The following SDF4 variants were observed in gnomAD, a reference collection of about 807,000 sequenced individuals.
SDF4 encodes stromal cell derived factor 4.
In SDF4, 22 loss-of-function variants were observed where a neutral mutation model predicts 34.2. That is an observed-to-expected ratio of 0.64 (90% confidence interval 0.46 to 0.92). SDF4 has a LOEUF of 0.92. SDF4 is among the 40% of genes least tolerant of loss of function. The probability of loss-of-function intolerance (pLI) is 0.00; values close to 1 mark genes in which losing one functional copy is unlikely to be tolerated. For missense variants in SDF4, 447 were observed against 499.9 expected (o/e 0.89, Z 1.01); for synonymous variants, 236 against 203.1 (o/e 1.16, Z -1.38).
At chr1:1,222,161 C>T (rs1325452128) in intron 4 of SDF4, among the ~76,000 whole-genome samples, 3 of 152,220 alleles carry the variant, frequency 2.0e-5, no homozygotes, top group Non-Finnish European at 2.9e-5. Context: ...ACGGAGCAGG[C>T]GACTCTGCAC....
intron 4 of SDF4, chr1:1,220,204 C>T (rs1570477223): frequency 2.0e-6 from 2 of 992,734 alleles, no homozygotes; most frequent in African/African-American, 1.7e-5. Flanking sequence ...AGCCGGGCCT[C>T]TGCTGTTAGG....
rs757061014 is a variant in SDF4, at chr1:1,223,144, A to T, written c.556+100T>A. ...GTACTCACGAGCACACGCACGGCAC[A>T]CTCATACACGACACACACGGCACAC... On this transcript the variant is annotated intron_variant, in intron 4 of 6. Coordinates refer to ENST00000360001, the MANE Select transcript of SDF4 (RefSeq NM_016176.6). 3.3e-5 allele frequency: 28 copies of T among 838,472 alleles called. No homozygotes were observed. The African/African-American group carries it at 4.5e-4, about 14-fold the overall frequency. The allele number at this position is 838,472 out of a possible 1,614,324, so 51.9% of individuals were successfully genotyped here.
Position 1,218,078 on chromosome 1 carries a change from G to T in SDF4, c.891+380C>A, listed in dbSNP as rs1388735405. Among the ~76,000 whole-genome samples, 1 of 152,244 alleles carries T rather than the reference G, an allele frequency of 6.6e-6. No homozygotes were observed. The highest frequency in any genetic ancestry group is 2.4e-5 in the African/African-American group (1 of 41,478). On this transcript the variant is annotated intron_variant, in intron 6 of 6. Transcript: ENST00000360001. The surrounding 1 kb of genome is among the most constrained non-coding windows in gnomAD (Gnocchi z 7.9). ...CAGTGAAAACGCTTCAGAGGAAGGT[G>T]GTAAATTCCAGCCATGTGGCACAGG...
Position 1,231,925 on chromosome 1 carries a change from C to G in SDF4, c.-208G>C, listed in dbSNP as rs1638514188. ...CTCCCCGCGCTCGGGATCCGAGGACCGGAGCGAAGCGTCAGTGACGCCGCC... is the reference window on the plus strand; with the variant it reads ...CTCCCCGCGCTCGGGATCCGAGGACGGGAGCGAAGCGTCAGTGACGCCGCC... On this transcript the variant is annotated 5_prime_UTR_variant, in exon 1 of 7. Coordinates refer to ENST00000360001, the MANE Select transcript of SDF4 (RefSeq NM_016176.6). The G allele has an allele frequency of 6.6e-6, 1 of 152,198 alleles. No homozygotes were observed. Among genetic ancestry groups the G allele is most frequent in the Admixed American group, 6.5e-5 (1 of 15,282 alleles). The allele number at this position is 152,198 out of a possible 1,614,324, so 9.4% of individuals were successfully genotyped here.
intron 4 of SDF4, among the ~76,000 whole-genome samples, chr1:1,221,876 G>A (rs1428984112): frequency 1.3e-5 from 2 of 152,168 alleles, no homozygotes; most frequent in African/African-American, 4.8e-5. Flanking sequence ...CCTGAGCCCT[G>A]GAAGGTACAG....
rs780295852 is a variant in SDF4 at position 1,218,732 on chromosome 1, G to T, written c.715+37C>A. The T allele has an allele frequency of 1.2e-6, 2 of 1,611,536 alleles. No individual in the cohort carries two copies. Among genetic ancestry groups the T allele is most frequent in the Non-Finnish European group, 8.5e-7 (1 of 1,178,802 alleles). ...GCCCGGCCCCTGCCAGTCGGTCCTGGGTCCTGGCGTGCCGGCCAGGCTGGA... is the reference window on the plus strand; with the variant it reads ...GCCCGGCCCCTGCCAGTCGGTCCTGTGTCCTGGCGTGCCGGCCAGGCTGGA... On this transcript the variant is annotated intron_variant, in intron 5 of 6. Transcript: ENST00000360001. This position sits in a 1 kb window ranked among gnomAD's most constrained non-coding sequence, Gnocchi z 7.9.
In SDF4 at chr1:1,223,285, T is replaced by C. The variant is rs1184748979; in HGVS notation, c.515A>G (p.Asp172Gly). Residue 172 changes from aspartate to glycine, a missense_variant, in exon 4 of 7, where the codon GAC (aspartate) becomes GGC (glycine). Transcript: ENST00000360001. ...GAGTTCCTCGTTGAGCCTGATGGCG[T>C]CGGCAACCTCCTTCTCGCTATGGCC... is the stretch of plus-strand genomic sequence containing the variant. Reference protein sequence around the residue: ...SKGHSEKEVADAIRLNEELKV... With the variant: ...SKGHSEKEVAGAIRLNEELKV... 1.2e-6 allele frequency: 2 copies of C among 1,614,128 alleles called. No homozygotes were observed. The highest frequency in any genetic ancestry group is 1.1e-5 in the South Asian group (1 of 91,084).
At chr1:1,221,314 G>T (rs572772687) in intron 4 of SDF4, 50 of 157,108 alleles carry the variant, frequency 3.2e-4, no homozygotes, top group Admixed American at 6.9e-4. Context: ...AGGACGGGGG[G>T]AGGCCGAGCG....
At chr1:1,229,307 G>T (rs75188282) in intron 1 of SDF4, among the ~76,000 whole-genome samples, 4 of 152,152 alleles carry the variant, frequency 2.6e-5, no homozygotes, top group African/African-American at 9.7e-5. Context: ...TCTGGGCTCA[G>T]GTGATGCTCT....
At chr1:1,224,570 G>A (rs1367332280) in intron 2 of SDF4, among the ~76,000 whole-genome samples, 2 of 152,098 alleles carry the variant, frequency 1.3e-5, no homozygotes, top group Non-Finnish European at 2.9e-5. Context: ...GTGGCCACTG[G>A]GCCCGGCCCA....
At chr1:1,229,196 T>C (rs1001121938) in intron 1 of SDF4, among the ~76,000 whole-genome samples, 6 of 152,160 alleles carry the variant, frequency 3.9e-5, no homozygotes, top group Non-Finnish European at 8.8e-5. Flanking sequence ...TGGTGTTTTT[T>C]TCTTTATTTT....
At position 1,223,226 on chromosome 1, in the gene SDF4, G is replaced by A. The variant is rs747415277; in HGVS notation, c.556+18C>T. The A allele has an allele frequency of 3.2e-6, 5 of 1,560,692 alleles. No individual in the cohort carries two copies. The East Asian group carries it at 6.7e-5, about 21-fold the overall frequency. ...AGGATGCCTGAGACCGGTGGCGGGA[G>A]CCTGGCTGAGCACTCACTTTCCTCA... On this transcript the variant is annotated intron_variant, in intron 4 of 6. Coordinates refer to ENST00000360001, the MANE Select transcript of SDF4 (RefSeq NM_016176.6).
At chr1:1,227,516 G>A (rs184198446) in intron 2 of SDF4, among the ~76,000 whole-genome samples, 11 of 151,704 alleles carry the variant, frequency 7.3e-5, no homozygotes, top group African/African-American at 2.4e-4. Flanking sequence ...CTGCCTCCTT[G>A]TGCCCAGGTC....
intron 2 of SDF4, among the ~76,000 whole-genome samples, chr1:1,226,914 TG>T (rs1638329448): frequency 6.6e-6 from 1 of 151,704 alleles, no homozygotes; most frequent in Non-Finnish European, 1.5e-5. Context: ...AGCTCAGGGG[TG>T]GTGAACCTGA....
intron 2 of SDF4, chr1:1,227,305 G>A (rs1439507030): frequency 6.6e-6 from 1 of 152,494 alleles, no homozygotes; most frequent in Middle Eastern, 3.1e-3. Context: ...GGGAAGGCGA[G>A]CTCGTGGCCA....
intron 4 of SDF4, chr1:1,219,709 C>T (rs1221475401): frequency 1.0e-6 from 1 of 986,172 alleles, no homozygotes; most frequent in Non-Finnish European, 1.2e-6. Context: ...GGACCCAAGC[C>T]ACCCTGGGTC....
intron 4 of SDF4, chr1:1,220,984 G>A (rs1570478644): frequency 2.8e-6 from 1 of 356,226 alleles, no homozygotes; most frequent in East Asian, 7.5e-5. Context: ...GCCGGGCACT[G>A]GGGCTTGTGC....
intron 4 of SDF4, chr1:1,220,089 G>A (rs915997796): frequency 2.1e-5 from 21 of 986,528 alleles, no homozygotes; most frequent in East Asian, 1.1e-4. Context: ...CAGACAGGCC[G>A]GCCGAGAGAC....
At chr1:1,227,812 C>G (rs180937351) in intron 2 of SDF4, among the ~76,000 whole-genome samples, 12 of 152,106 alleles carry the variant, frequency 7.9e-5, no homozygotes, top group Non-Finnish European at 4.4e-5. Flanking sequence ...GGGATGGGGT[C>G]GGGGGAGAAA....
Sources: allele counts gnomAD v4.1 joint callset (sites outside exome capture counted in the v4.1 genomes callset), GRCh38; gene constraint gnomAD v4.1.1; non-coding constraint Gnocchi (gnomAD v3.1); transcripts MANE v1.5; gene names NCBI Gene and HGNC (gene_info 2026-07-23, HGNC 2026-07-21).